TET2: variants seen among roughly 807,000 people sequenced by gnomAD.
The protein encoded by TET2 is tet methylcytosine dioxygenase 2.
TET2 carries 299 observed loss-of-function variants against 142.9 expected under a neutral mutation model. The ratio of observed to expected loss-of-function variants is 2.09; its 90% confidence interval spans 1.90 to 2.30. The LOEUF (loss-of-function observed/expected upper bound fraction) is 2.30, where lower values mean the gene tolerates loss of function less well. Ranked by LOEUF, TET2 falls within the 30% of genes most tolerant of loss-of-function variation. TET2 has a pLI of 0.00. For synonymous variants in TET2, 819 were observed against 849.0 expected (o/e 0.96, Z 0.61); for missense variants, 2,418 against 2,378.0 (o/e 1.02, Z -0.35).
chr4:105,246,998 C>G (rs1425742088), intron 6 of TET2, among the ~76,000 whole-genome samples: 1 of 152,114 alleles, frequency 6.6e-6, no homozygotes, highest in African/African-American at 2.4e-5. Flanking sequence ...GGGAGTGTAT[C>G]TGTCATCATA....
At chr4:105,150,107 T>G (rs978828890) in intron 1 of TET2, among the ~76,000 whole-genome samples, 1 of 152,208 alleles carries the variant, frequency 6.6e-6, no homozygotes, top group Non-Finnish European at 1.5e-5. Flanking sequence ...GAAGCCCTTC[T>G]TATGATTCAT....
intron 2 of TET2, among the ~76,000 whole-genome samples, chr4:105,201,272 G>A (rs983078551): frequency 3.8e-4 from 58 of 152,096 alleles, no homozygotes; most frequent in Non-Finnish European, 2.9e-5. Flanking sequence ...TCAAAAAAAA[G>A]GCATCACTTC....
chr4:105,168,943 T>G (rs1356164584), intron 1 of TET2, among the ~76,000 whole-genome samples: 1 of 152,232 alleles, frequency 6.6e-6, no homozygotes, highest in Non-Finnish European at 1.5e-5. Context: ...CTGAGTAGTA[T>G]TCCATCTTAT....
At chr4:105,169,737 A>G (rs1472999622) in intron 1 of TET2, among the ~76,000 whole-genome samples, 1 of 152,208 alleles carries the variant, frequency 6.6e-6, no homozygotes, top group Non-Finnish European at 1.5e-5. Context: ...TTTTTGATCC[A>G]TCTTGAGTTG....
chr4:105,192,937 AT>A (rs1725870294), intron 2 of TET2, among the ~76,000 whole-genome samples: 2 of 152,340 alleles, frequency 1.3e-5, no homozygotes, highest in East Asian at 3.9e-4. Context: ...CCATGAAGTT[AT>A]CTGAAGGAAT....
intron 6 of TET2, among the ~76,000 whole-genome samples, chr4:105,250,520 C>G (rs1049299007): frequency 5.3e-5 from 8 of 151,308 alleles, no homozygotes; most frequent in African/African-American, 1.9e-4. Context: ...CATGAGCCAC[C>G]ACATCCAACC....
At chr4:105,152,338 T>C (rs186991536) in intron 1 of TET2, among the ~76,000 whole-genome samples, 84 of 152,262 alleles carry the variant, frequency 5.5e-4, no homozygotes, top group Non-Finnish European at 8.8e-4. Context: ...TAAAGTGTTT[T>C]TGAAGGACAG....
chr4:105,155,660 C>T (rs950993942), intron 1 of TET2, among the ~76,000 whole-genome samples: 1 of 152,104 alleles, frequency 6.6e-6, no homozygotes, highest in African/African-American at 2.4e-5. Flanking sequence ...GGGTTGCAGC[C>T]GGTTGGATCC....
At chr4:105,240,894 C>G (rs1729259096) in intron 3 of TET2, 1 of 1,079,968 alleles carries the variant, frequency 9.3e-7, no homozygotes, top group South Asian at 4.5e-5. Flanking sequence ...GACAATAAAC[C>G]AAGCAATATT....
At chr4:105,228,618 T>C (rs924353653) in intron 2 of TET2, among the ~76,000 whole-genome samples, 5 of 152,144 alleles carry the variant, frequency 3.3e-5, no homozygotes, top group African/African-American at 1.2e-4. Flanking sequence ...ATCCTACAAA[T>C]TTTATATAAT....
chr4:105,246,405 A>G (rs186928349), intron 6 of TET2, among the ~76,000 whole-genome samples: 11 of 152,380 alleles, frequency 7.2e-5, no homozygotes, highest in Non-Finnish European at 7.3e-5. Context: ...CAAAACTATT[A>G]AAAGACATGC....
At chr4:105,185,818 TA>T (rs1375255618) in intron 1 of TET2, among the ~76,000 whole-genome samples, 2 of 152,014 alleles carry the variant, frequency 1.3e-5, no homozygotes, top group Non-Finnish European at 2.9e-5. Context: ...GAATAGTTTA[TA>T]AAGATAAAAT....
chr4:105,164,656 G>A (rs1186368256), intron 1 of TET2, among the ~76,000 whole-genome samples: 1 of 152,136 alleles, frequency 6.6e-6, no homozygotes, highest in Non-Finnish European at 1.5e-5. Context: ...CTCATAGACT[G>A]GTCAGTTGAG....
At chr4:105,269,582 C>T (rs1217904139) in intron 8 of TET2, 28 bp from the exon 9 acceptor site, 32 of 1,548,996 alleles carry the variant, frequency 2.1e-5, no homozygotes, top group East Asian at 9.8e-5. Context: ...TAACTACTTT[C>T]GCATTCACAC....
At chr4:105,154,450 A>G (rs952439644) in intron 1 of TET2, among the ~76,000 whole-genome samples, 15 of 152,202 alleles carry the variant, frequency 9.9e-5, no homozygotes, top group African/African-American at 3.1e-4. Context: ...GAGTTTTATT[A>G]TGCCTGTAAT....
At chr4:105,208,372 G>A (rs1050125529) in intron 2 of TET2, among the ~76,000 whole-genome samples, 3 of 152,024 alleles carry the variant, frequency 2.0e-5, no homozygotes, top group African/African-American at 7.2e-5. Flanking sequence ...CAACCCAAAT[G>A]GCTAGCATTG....
intron 1 of TET2, among the ~76,000 whole-genome samples, chr4:105,168,710 A>G (rs933801728): frequency 6.6e-6 from 1 of 152,088 alleles, no homozygotes; most frequent in South Asian, 2.1e-4. Context: ...ACTTCACCCT[A>G]TTCGTAGTCT....
In TET2 at chr4:105,234,975, A is replaced by AAGCT; in HGVS notation, c.1037_1040dup (p.Gly349ValfsTer3). ...AGAAAATAACATCCAGGGAACCACA[A>AAGCT]AGCTAGCGTCTGGTGAAGAATTCTG... On this transcript the variant is annotated frameshift_variant, in exon 3 of 11. Coordinates refer to ENST00000380013, the MANE Select transcript of TET2 (RefSeq NM_001127208.3). LOFTEE classifies it high-confidence loss of function. 6.2e-7 allele frequency: 1 copy of AAGCT among 1,614,024 alleles called. No homozygotes were observed. The highest frequency in any genetic ancestry group is 8.5e-7 in the Non-Finnish European group (1 of 1,179,960).
At chr4:105,218,507 A>T (rs1727627329) in intron 2 of TET2, among the ~76,000 whole-genome samples, 1 of 152,086 alleles carries the variant, frequency 6.6e-6, no homozygotes, top group Non-Finnish European at 1.5e-5. Context: ...GGTCTTCGTG[A>T]TGAGTTATTT....
Sources: allele counts gnomAD v4.1 joint callset (sites outside exome capture counted in the v4.1 genomes callset), GRCh38; gene constraint gnomAD v4.1.1; transcripts MANE v1.5; gene names NCBI Gene and HGNC (gene_info 2026-07-23, HGNC 2026-07-21).